Variants in FYB1 observed in about 807,000 individuals in gnomAD.
FYB1 encodes the protein FYN-binding protein 1.
FYB1 carries 41 observed loss-of-function variants against 94.1 expected under a neutral mutation model. The observed-to-expected ratio is 0.44, with a 90% CI of 0.34 to 0.57. The LOEUF (loss-of-function observed/expected upper bound fraction) is 0.57. FYB1 is among the 20% of genes least tolerant of loss of function. FYB1 has a pLI of 0.02. For synonymous variants in FYB1, 367 were observed against 353.2 expected, an observed-to-expected ratio of 1.04 and a Z score of -0.44; for missense variants, 1,050 against 976.8, an observed-to-expected ratio of 1.07 and a Z score of -1.00.
chr5:39,178,493 C>T (rs1381741732), intron 2 of FYB1, among the ~76,000 whole-genome samples: 1 of 152,108 alleles, frequency 6.6e-6, no homozygotes, highest in Admixed American at 6.6e-5. Context: ...TTTTGGCTGT[C>T]CTTCCTATGA....
At chr5:39,220,723 A>C (rs115342211), upstream of FYB1, among the ~76,000 whole-genome samples, 2,325 of 152,322 alleles carry the variant, frequency 0.015, 29 homozygotes, top group Non-Finnish European at 0.023. Flanking sequence ...ATAATCTTAC[A>C]GACGTTATGC....
At chr5:39,179,337 G>A (rs549811738) in intron 2 of FYB1, among the ~76,000 whole-genome samples, 26 of 152,196 alleles carry the variant, frequency 1.7e-4, no homozygotes, top group African/African-American at 6.3e-4. Flanking sequence ...ACAGCAGGAT[G>A]GGTCTGGGTT....
At chr5:39,269,096 C>A (rs1291430177) in intron 1 of FYB1, among the ~76,000 whole-genome samples, 3 of 151,928 alleles carry the variant, frequency 2.0e-5, no homozygotes, top group African/African-American at 7.3e-5. Context: ...GTGGCCCAGG[C>A]TAGAGCGCAG....
chr5:39,107,657 C>T (rs535484932), intron 18 of FYB1, among the ~76,000 whole-genome samples, 192 bp from the exon 19 acceptor site: 21 of 151,816 alleles, frequency 1.4e-4, no homozygotes, highest in Non-Finnish European at 3.1e-4. Context: ...TATAATTCAA[C>T]AAAATTTCTG....
intron 3 of FYB1, among the ~76,000 whole-genome samples, chr5:39,149,645 C>T (rs1351643015): frequency 6.6e-6 from 1 of 152,108 alleles, no homozygotes; most frequent in Non-Finnish European, 1.5e-5. Flanking sequence ...TTCAATCAGC[C>T]TTGTATCGCC....
intron 1 of FYB1, among the ~76,000 whole-genome samples, chr5:39,253,892 T>C (rs1751833361): frequency 6.6e-6 from 1 of 152,220 alleles, no homozygotes; most frequent in Admixed American, 6.5e-5. Flanking sequence ...TATGAGTCCA[T>C]GTGTTCTTAT....
rs1741914500 is a variant in FYB1, at chr5:39,139,066, T to C, written c.1359+167A>G. The C allele has an allele frequency of 8.3e-5, 59 of 712,602 alleles. No homozygotes were observed. The South Asian group carries it at 1.2e-3, about 14-fold the overall frequency. The allele number at this position is 712,602 out of a possible 1,614,324, so 44.1% of individuals were successfully genotyped here. ...TATAATGAGTCAGTGTGATGACTAG[T>C]GTGTAACATCTTAAGCATTTTAGAT... On this transcript the variant is annotated intron_variant, in intron 5 of 18. Coordinates refer to ENST00000512982, the MANE Select transcript of FYB1 (RefSeq NM_001465.6).
Position 39,134,331 on chromosome 5 carries a change from G to C in FYB1, c.1694C>G (p.Thr565Ser), listed in dbSNP as rs1233196924. 1 of 1,608,386 alleles carries C rather than the reference G, an allele frequency of 6.2e-7. No individual in the cohort carries two copies. The highest frequency in any genetic ancestry group is 8.5e-7 in the Non-Finnish European group (1 of 1,175,846). Residue 565 changes from threonine to serine, a missense_variant, in exon 9 of 19, where the codon ACT becomes AGT. Coordinates refer to ENST00000512982, the MANE Select transcript of FYB1 (RefSeq NM_001465.6). The part of the protein sequence containing the change: ...ARGSYGYIKT[T>S]AVEIDYDSLK... ...AGAATCATAGTCAATCTCTACAGCA[G>C]TTGTTTTAATATAGCCATCTACCAA... is the stretch of plus-strand genomic sequence containing the variant.
chr5:39,273,799 G>GC (rs1362329957), intron 1 of FYB1, among the ~76,000 whole-genome samples: 1 of 152,134 alleles, frequency 6.6e-6, no homozygotes, highest in Non-Finnish European at 1.5e-5. Flanking sequence ...GAATGGGGTG[G>GC]CTAGGGAAAA....
At chr5:39,170,294 G>C (rs952742578) in intron 2 of FYB1, 1 of 1,394,310 alleles carries the variant, frequency 7.2e-7, no homozygotes, top group Non-Finnish European at 9.7e-7. Context: ...CAGTTTAAAA[G>C]ATCTTCTGTC....
At chr5:39,204,482 T>C (rs1298728975) in intron 1 of FYB1, among the ~76,000 whole-genome samples, 1 of 152,172 alleles carries the variant, frequency 6.6e-6, no homozygotes, top group Non-Finnish European at 1.5e-5. Flanking sequence ...GTTCAATATA[T>C]GGAAATTATT....
intron 1 of FYB1, among the ~76,000 whole-genome samples, chr5:39,265,829 G>A (rs1309374535): frequency 1.3e-5 from 2 of 152,166 alleles, no homozygotes; most frequent in Non-Finnish European, 2.9e-5. Context: ...CTAGCAGAGT[G>A]CAGACTTGAA....
At chr5:39,213,974 A>G (rs1390033678) in intron 1 of FYB1, among the ~76,000 whole-genome samples, 1 of 152,228 alleles carries the variant, frequency 6.6e-6, no homozygotes, top group East Asian at 1.9e-4. Context: ...CAATGCATTT[A>G]TATATAACAA....
At chr5:39,177,347 C>A (rs1196739852) in intron 2 of FYB1, among the ~76,000 whole-genome samples, 1 of 152,154 alleles carries the variant, frequency 6.6e-6, no homozygotes, top group Non-Finnish European at 1.5e-5. Flanking sequence ...CGTAACCTAC[C>A]TGTTCCTTTA....
chr5:39,226,534 G>T (rs1231556333), intron 1 of FYB1, among the ~76,000 whole-genome samples: 2 of 151,956 alleles, frequency 1.3e-5, no homozygotes, highest in Non-Finnish European at 2.9e-5. Flanking sequence ...CTTACCCTTT[G>T]TTAATCCACC....
Position 39,118,894 on chromosome 5 carries a change from C to A in FYB1, c.2381G>T (p.Cys794Phe). The A allele has an allele frequency of 1.3e-6, 2 of 1,529,746 alleles. No individual in the cohort carries two copies. The highest frequency in any genetic ancestry group is 1.3e-5 in the South Asian group (1 of 78,094). 94.8% of individuals were successfully genotyped at this position (1,529,746 alleles called of 1,614,324 possible). The part of the protein sequence containing the change: ...IQTTDDTKVL[C>F]RNEEGKYGYV... The stretch of plus-strand genomic sequence containing the variant: ...CTTACATTTCCCTTCTTCATTTCTG[C>A]AGAGAACTTTTGTGTCATCTGTGGT... Residue 794 changes from cysteine to phenylalanine, a missense_variant, in exon 16 of 19, where the codon TGC becomes TTC. By Grantham distance (205) the Cys-to-Phe change is radical. Transcript: ENST00000512982.
At chr5:39,220,203 G>GTTCGAGACCAGGAT (rs1488543346), upstream of FYB1, among the ~76,000 whole-genome samples, 17 of 152,094 alleles carry the variant, frequency 1.1e-4, no homozygotes, top group African/African-American at 4.1e-4. Flanking sequence ...GAGACCAGGA[G>GTTCGAGACCAGGAT]TTCAAGACCA....
intron 2 of FYB1, among the ~76,000 whole-genome samples, chr5:39,163,117 C>A (rs577148446): frequency 7.2e-5 from 11 of 152,100 alleles, no homozygotes; most frequent in South Asian, 6.2e-4. Context: ...GGACTTGAAA[C>A]GCCTGGGTCA....
intron 1 of FYB1, among the ~76,000 whole-genome samples, chr5:39,210,820 A>G (rs1370769243): frequency 6.6e-6 from 1 of 152,174 alleles, no homozygotes; most frequent in African/African-American, 2.4e-5. Flanking sequence ...AGTTCATCCT[A>G]AGCAACGTGG....
Sources: gnomAD v4.1 joint callset for allele counts (sites outside exome capture counted in the v4.1 genomes callset) on GRCh38, gnomAD v4.1.1 for gene constraint, MANE v1.5 for transcripts, NCBI Gene and HGNC (gene_info 2026-07-23, HGNC 2026-07-21) for gene names.